Variants in METTL16 observed in about 807,000 individuals in gnomAD.
The protein encoded by METTL16 is methyltransferase 16, RNA N6-adenosine, also known as RNA N(6)-adenosine-methyltransferase METTL16.
A neutral mutation model predicts 57.9 loss-of-function variants in METTL16; 19 were observed. That is an observed-to-expected ratio of 0.33 (90% CI 0.23 to 0.48). The LOEUF (loss-of-function observed/expected upper bound fraction) is 0.48, where lower values mean the gene tolerates loss of function less well. Ranked by LOEUF, METTL16 falls within the 20% of genes least tolerant of loss-of-function variation. The pLI, the probability that METTL16 is intolerant of heterozygous loss-of-function variation, is 0.99. For synonymous variants in METTL16, 246 were observed against 255.6 expected, an observed-to-expected ratio of 0.96 and a Z score of 0.36; for missense variants, 434 against 691.5, an observed-to-expected ratio of 0.63 and a Z score of 4.18.
At chr17:2,429,334 G>C (rs145829218) in intron 8 of METTL16, among the ~76,000 whole-genome samples, 1 of 150,666 alleles carries the variant, frequency 6.6e-6, no homozygotes, top group Non-Finnish European at 1.5e-5. Context: ...GACTACAGGC[G>C]TGTATCATCA....
intron 8 of METTL16, among the ~76,000 whole-genome samples, chr17:2,426,022 G>A (rs1305511452): frequency 2.8e-5 from 4 of 142,468 alleles, no homozygotes; most frequent in Admixed American, 1.4e-4. Context: ...CGTTAATTAT[G>A]GCTAAGGCAA....
rs28456191 is a variant in METTL16, at chr17:2,468,015, G to A, written c.470-139C>T. 8.9e-3 allele frequency: 5,607 copies of A among 629,294 alleles called. 254 individuals are homozygous for A. In the African/African-American group the frequency reaches 0.093, roughly 10 times the overall value. 39.0% of individuals were successfully genotyped at this position (629,294 alleles called of 1,614,324 possible). Reference sequence around the variant, plus strand: ...AAGATTATAACACCACATTTTTACTGTACCTTTTCTATGTTTGATATGCTT... The same window carrying A: ...AAGATTATAACACCACATTTTTACTATACCTTTTCTATGTTTGATATGCTT... On this transcript the variant is annotated intron_variant, in intron 4 of 9. Coordinates refer to ENST00000263092, the MANE Select transcript of METTL16 (RefSeq NM_024086.4).
intron 2 of METTL16, among the ~76,000 whole-genome samples, chr17:2,493,718 C>CA (rs112843722): frequency 0.76 from 98,171 of 128,794 alleles, 37,668 homozygotes; most frequent in Middle Eastern, 0.86. Context: ...GACTCTGTCT[C>CA]AAAAAAAAAA....
intron 2 of METTL16, among the ~76,000 whole-genome samples, chr17:2,488,891 A>G (rs1344272114): frequency 1.3e-5 from 2 of 152,188 alleles, no homozygotes; most frequent in African/African-American, 2.4e-5. Context: ...CATCCTTCCC[A>G]CTTTTCAACT....
At chr17:2,454,305 T>C (rs1013335577) in intron 6 of METTL16, among the ~76,000 whole-genome samples, 1 of 152,102 alleles carries the variant, frequency 6.6e-6, no homozygotes, top group Non-Finnish European at 1.5e-5. Flanking sequence ...GTTTGGGGTA[T>C]AAGCAATTAT....
intron 2 of METTL16, among the ~76,000 whole-genome samples, chr17:2,489,032 C>T (rs757366678): frequency 1.3e-5 from 2 of 152,018 alleles, no homozygotes; most frequent in Admixed American, 6.6e-5. Context: ...ACTGATAACC[C>T]TAAGTTAACC....
chr17:2,479,106 A>G (rs1196135189), intron 2 of METTL16, among the ~76,000 whole-genome samples: 1 of 152,210 alleles, frequency 6.6e-6, no homozygotes, highest in Non-Finnish European at 1.5e-5. Flanking sequence ...ATATTAAAAA[A>G]GAATATCAAC....
At chr17:2,500,571 C>T (rs1465382071) in intron 2 of METTL16, among the ~76,000 whole-genome samples, 2 of 152,116 alleles carry the variant, frequency 1.3e-5, no homozygotes, top group Admixed American at 6.5e-5. Context: ...CGTGAGCCAC[C>T]GCGCCCGGCC....
rs768961886 is a variant in METTL16 at position 2,420,150 on chromosome 17, C to T, written c.1509G>A (p.Arg503=). The change falls in exon 10 of 10, where the codon AGG becomes AGA. Residue 503 remains arginine, a synonymous_variant. Transcript: ENST00000263092. The surrounding 1 kb of genome is among the most constrained non-coding windows in gnomAD (Gnocchi z 5.4). The part of the protein sequence containing the change: ...SEQFGSPVAE[R]GKRLPGVAGQ... ...CGGCCACTCCTGGGAGACGTTTCCC[C>T]CTTTCAGCCACTGGGCTGCCGAACT... The T allele has an allele frequency of 7.8e-5, 126 of 1,614,122 alleles. No individual in the cohort carries two copies. Among genetic ancestry groups the T allele is most frequent in the Middle Eastern group, 4.9e-4 (3 of 6,084 alleles).
At chr17:2,460,873 G>A (rs540046761) in intron 6 of METTL16, among the ~76,000 whole-genome samples, 100 of 133,632 alleles carry the variant, frequency 7.5e-4, no homozygotes, top group Non-Finnish European at 1.3e-3. Context: ...CAGTAAGAGG[G>A]AAACTCAGTC....
intron 2 of METTL16, among the ~76,000 whole-genome samples, chr17:2,497,146 C>CAAGTGCGCACCATCACGCCT (rs1170605875): frequency 6.6e-6 from 1 of 151,096 alleles, no homozygotes; most frequent in African/African-American, 2.5e-5. Flanking sequence ...GCTGGGATCA[C>CAAGTGCGCACCATCACGCCT]AAGTGCGCAC....
intron 8 of METTL16, chr17:2,424,162 G>A (rs1219313554): frequency 3.3e-5 from 5 of 149,778 alleles, no homozygotes; most frequent in Admixed American, 6.6e-5. Flanking sequence ...CGCCCAGGCT[G>A]GAGTGCAGTG....
intron 1 of METTL16, among the ~76,000 whole-genome samples, chr17:2,507,840 C>T (rs189993398): frequency 3.7e-4 from 56 of 152,332 alleles, no homozygotes; most frequent in African/African-American, 1.3e-3. Context: ...CAACCCTGTG[C>T]TCTCTGAAAT....
chr17:2,477,843 A>G lies in METTL16; in HGVS notation c.171T>C (p.Cys57=), dbSNP rs1438395996. The G allele has an allele frequency of 1.2e-6, 2 of 1,614,184 alleles. No homozygotes were observed. Among genetic ancestry groups the G allele is most frequent in the Non-Finnish European group, 1.7e-6 (2 of 1,179,988 alleles). The stretch of plus-strand genomic sequence containing the variant: ...GTCCAAAATCTTCCCTTAGGAGAGT[A>G]CACGTCAGAGCTCTGACTGCTTCGG... The part of the protein sequence containing the change: ...KDPEAVRALT[C]TLLREDFGLS... Residue 57 remains cysteine, a synonymous_variant, in exon 3 of 10, where the codon TGT becomes TGC. Transcript: ENST00000263092.
intron 1 of METTL16, among the ~76,000 whole-genome samples, chr17:2,502,758 G>A (rs1250682384): frequency 2.0e-5 from 3 of 151,708 alleles, no homozygotes; most frequent in African/African-American, 4.8e-5. Context: ...TGTCTTTGCC[G>A]ATCAAGTGAG....
Position 2,454,914 on chromosome 17 carries a change from T to C in METTL16, c.728+9294A>G, listed in dbSNP as rs2067097881. Among the ~76,000 whole-genome samples, 3 of 151,786 alleles carry C rather than the reference T, an allele frequency of 2.0e-5. No individual in the cohort carries two copies. The South Asian group carries it at 6.2e-4, about 32-fold the overall frequency. On this transcript the variant is annotated intron_variant, in intron 6 of 9. Transcript: ENST00000263092. ...TGGAACCAAGGCTTTTAATTTGTTA[T>C]CCTATTTATTTATTTATTATTTTTG...
intron 6 of METTL16, among the ~76,000 whole-genome samples, chr17:2,447,896 A>G (rs1252265881): frequency 1.3e-4 from 5 of 38,108 alleles, no homozygotes; most frequent in African/African-American, 3.8e-4. Flanking sequence ...TCCGGGAGGG[A>G]GGTGGGGGGG....
At chr17:2,483,044 A>C (rs1308342600) in intron 2 of METTL16, among the ~76,000 whole-genome samples, 2 of 151,946 alleles carry the variant, frequency 1.3e-5, no homozygotes, top group African/African-American at 4.8e-5. Context: ...AGCAGCAAGA[A>C]CAAAGCATGA....
At chr17:2,441,058 A>G (rs1244035047) in intron 7 of METTL16, among the ~76,000 whole-genome samples, 2 of 152,012 alleles carry the variant, frequency 1.3e-5, no homozygotes, top group Non-Finnish European at 2.9e-5. Flanking sequence ...AAACTTAAGT[A>G]TCCATCAACA....
Sources: allele counts gnomAD v4.1 joint callset (sites outside exome capture counted in the v4.1 genomes callset), GRCh38; gene constraint gnomAD v4.1.1; non-coding constraint Gnocchi (gnomAD v3.1); transcripts MANE v1.5; gene names NCBI Gene and HGNC (gene_info 2026-07-23, HGNC 2026-07-21).